The following ZNF644 variants were observed in gnomAD, a reference collection of about 807,000 sequenced individuals.
The protein encoded by ZNF644 is zinc finger motif enhancer binding protein 2.
In ZNF644, 20 loss-of-function variants were observed where a neutral mutation model predicts 108.0. The observed-to-expected ratio is 0.19, with a 90% confidence interval of 0.13 to 0.27. The LOEUF (loss-of-function observed/expected upper bound fraction) is 0.27, where lower values mean the gene tolerates loss of function less well. Among genes scored for constraint, ZNF644 ranks in the 10% least tolerant of loss-of-function variants. The pLI is 1.00. For synonymous variants in ZNF644, 542 were observed against 539.1 expected (o/e 1.01, Z -0.08); for missense variants, 1,338 against 1,548.9 (o/e 0.86, Z 2.29).
chr1:90,987,816 A>G (rs576430555), intron 1 of ZNF644, among the ~76,000 whole-genome samples: 7 of 152,316 alleles, frequency 4.6e-5, no homozygotes, highest in African/African-American at 1.7e-4. Flanking sequence ...GCAGCACATT[A>G]AAAGGATTAC....
At chr1:90,946,101 T>C (rs1377733317) in intron 2 of ZNF644, among the ~76,000 whole-genome samples, 1 of 152,098 alleles carries the variant, frequency 6.6e-6, no homozygotes, top group Non-Finnish European at 1.5e-5. Flanking sequence ...TTCACAAGTG[T>C]CAGTCTAACT....
chr1:91,021,708 A>C (rs2100733199), intron 1 of ZNF644: 2 of 93,738 alleles, frequency 2.1e-5, no homozygotes, highest in East Asian at 3.3e-4. Flanking sequence ...CGTGGCCCCC[A>C]GCGACCGCCG....
chr1:90,917,978 C>A, intron 5 of ZNF644, 74 bp downstream of exon 5: 1 of 1,279,964 alleles, frequency 7.8e-7, no homozygotes, highest in South Asian at 1.2e-5. Flanking sequence ...ATTAAAAATC[C>A]CAAATGAAAT....
At chr1:90,934,412 GAAAT>G (rs997553113) in intron 4 of ZNF644, among the ~76,000 whole-genome samples, 10 of 152,112 alleles carry the variant, frequency 6.6e-5, no homozygotes, top group Non-Finnish European at 1.3e-4. Context: ...AAGAGCAAGA[GAAAT>G]AAAATGATTG....
intron 1 of ZNF644, among the ~76,000 whole-genome samples, chr1:91,015,982 T>C (rs1008830755): frequency 6.6e-6 from 1 of 152,208 alleles, no homozygotes; most frequent in Non-Finnish European, 1.5e-5. Context: ...TAATTACTAA[T>C]TCCACTTGCC....
chr1:91,006,902 T>C (rs981133022), intron 1 of ZNF644, among the ~76,000 whole-genome samples: 1 of 152,166 alleles, frequency 6.6e-6, no homozygotes, highest in South Asian at 2.1e-4. Flanking sequence ...ATGTTTCATA[T>C]TTTTAGCCTC....
At chr1:90,953,103 GA>G (rs1222562450) in intron 2 of ZNF644, among the ~76,000 whole-genome samples, 4 of 150,150 alleles carry the variant, frequency 2.7e-5, no homozygotes, top group Non-Finnish European at 5.9e-5. Context: ...GTTGCCTTAA[GA>G]AAAAAATAGT....
chr1:90,998,228 G>A (rs929447832), intron 1 of ZNF644, among the ~76,000 whole-genome samples: 2 of 152,240 alleles, frequency 1.3e-5, no homozygotes, highest in East Asian at 1.9e-4. Context: ...TCTGAGATCT[G>A]AGAATGGAGA....
At chr1:90,917,672 A>AT (rs1301125938) in intron 5 of ZNF644, among the ~76,000 whole-genome samples, 2 of 152,044 alleles carry the variant, frequency 1.3e-5, no homozygotes, top group Non-Finnish European at 2.9e-5. Context: ...TAATTTTGGT[A>AT]TTTTTAGTAG....
chr1:90,926,190 G>T (rs1288772393), intron 4 of ZNF644, among the ~76,000 whole-genome samples: 2 of 152,108 alleles, frequency 1.3e-5, no homozygotes, highest in Admixed American at 6.5e-5. Context: ...GTCCATGAAG[G>T]CTGCACATAG....
intron 1 of ZNF644, among the ~76,000 whole-genome samples, chr1:90,985,497 A>T (rs1657003475): frequency 6.6e-6 from 1 of 151,706 alleles, no homozygotes; most frequent in South Asian, 2.1e-4. Context: ...ACACCATTTC[A>T]CTCTCTACTT....
chr1:91,016,579 G>A (rs1382197999), intron 1 of ZNF644, among the ~76,000 whole-genome samples: 2 of 152,136 alleles, frequency 1.3e-5, no homozygotes, highest in Non-Finnish European at 2.9e-5. Context: ...CATCGTAAAT[G>A]CAGTCCACTA....
chr1:90,921,258 G>A (rs1027567116), intron 4 of ZNF644, among the ~76,000 whole-genome samples: 1 of 152,032 alleles, frequency 6.6e-6, no homozygotes, highest in Admixed American at 6.6e-5. Flanking sequence ...AACACATTCA[G>A]TTTTAATATA....
chr1:90,918,674 GA>G (rs1265475879), intron 4 of ZNF644, among the ~76,000 whole-genome samples: 13 of 152,052 alleles, frequency 8.5e-5, no homozygotes, highest in African/African-American at 3.1e-4. Flanking sequence ...AAAGCTCAAG[GA>G]AAAATCAATT....
intron 1 of ZNF644, among the ~76,000 whole-genome samples, chr1:90,996,125 T>C (rs1044868867): frequency 1.3e-5 from 2 of 152,042 alleles, no homozygotes; most frequent in African/African-American, 4.8e-5. Flanking sequence ...ATCAGGGAAA[T>C]GCAAAATAAA....
At chr1:90,987,839 A>C (rs1179856371) in intron 1 of ZNF644, among the ~76,000 whole-genome samples, 2 of 152,172 alleles carry the variant, frequency 1.3e-5, no homozygotes. Context: ...ATCATGACCA[A>C]GTGGGCTTTA....
chr1:90,936,241 C>G (rs1387733145), intron 4 of ZNF644, among the ~76,000 whole-genome samples: 1 of 152,144 alleles, frequency 6.6e-6, no homozygotes, highest in Non-Finnish European at 1.5e-5. Flanking sequence ...AATCCTCACT[C>G]CCCCAACACA....
chr1:90,942,195 TACA>T (rs1410987166), intron 2 of ZNF644, among the ~76,000 whole-genome samples: 3 of 152,228 alleles, frequency 2.0e-5, no homozygotes, highest in African/African-American at 7.2e-5. Flanking sequence ...TAACACATTT[TACA>T]ATAGAATAGC....
chr1:90,992,663 C>T (rs1249834856), intron 1 of ZNF644, among the ~76,000 whole-genome samples: 1 of 152,184 alleles, frequency 6.6e-6, no homozygotes, highest in Non-Finnish European at 1.5e-5. Flanking sequence ...ATTTTACCAA[C>T]TGAAACAAAA....
Sources: gnomAD v4.1 joint callset for allele counts (sites outside exome capture counted in the v4.1 genomes callset) on GRCh38, gnomAD v4.1.1 for gene constraint, MANE v1.5 for transcripts, NCBI Gene and HGNC (gene_info 2026-07-23, HGNC 2026-07-21) for gene names.